Variants in GPM6B observed in about 807,000 individuals in gnomAD.
The protein encoded by GPM6B is neuronal membrane glycoprotein M6-b.
GPM6B carries 4 observed loss-of-function variants against 27.2 expected under a neutral mutation model. The ratio of observed to expected loss-of-function variants is 0.15; its 90% CI spans 0.07 to 0.34. The LOEUF (loss-of-function observed/expected upper bound fraction) is 0.34, where lower values mean the gene tolerates loss of function less well. Among genes scored for constraint, GPM6B ranks in the 10% least tolerant of loss-of-function variants. GPM6B has a pLI of 1.00. For missense variants in GPM6B, 183 were observed against 261.9 expected, an observed-to-expected ratio of 0.70 and a Z score of 2.08; for synonymous variants, 124 against 103.1, an observed-to-expected ratio of 1.20 and a Z score of -1.23.
At chrX:13,789,359 AAAGT>A (rs1355024399) in intron 2 of GPM6B, among the ~76,000 whole-genome samples, 3 of 112,047 alleles carry the variant, frequency 2.7e-5, no homozygotes, top group African/African-American at 9.7e-5. Context: ...ACTGCTGCAA[AAAGT>A]TAGTAAGAAA....
chrX:13,827,686 G>A (rs1021289138), intron 1 of GPM6B, among the ~76,000 whole-genome samples: 14 of 112,352 alleles, frequency 1.2e-4, no homozygotes, highest in African/African-American at 4.2e-4. Context: ...GCTAAAGGAA[G>A]ACAGACATTA....
intron 1 of GPM6B, among the ~76,000 whole-genome samples, chrX:13,812,305 G>A (rs781456704): frequency 8.2e-5 from 9 of 109,684 alleles, no homozygotes; most frequent in Admixed American, 2.9e-4. Context: ...CGCCCGCCTC[G>A]GCCTCCCAAA....
chrX:13,924,563 G>A (rs145490009), intron 1 of GPM6B, among the ~76,000 whole-genome samples: 2,559 of 111,668 alleles, frequency 0.023, 70 homozygotes, highest in East Asian at 0.19. Flanking sequence ...TCGGCCTCTC[G>A]AAGTGCTGGG....
At chrX:13,859,389 G>T (rs1300338494) in intron 1 of GPM6B, among the ~76,000 whole-genome samples, 3 of 111,644 alleles carry the variant, frequency 2.7e-5, no homozygotes, top group African/African-American at 9.8e-5. Flanking sequence ...CCATGTTTTT[G>T]TGTGTATCCA....
At chrX:13,781,356 C>A (rs964288612) in intron 4 of GPM6B, among the ~76,000 whole-genome samples, 1 of 112,290 alleles carries the variant, frequency 8.9e-6, no homozygotes, top group Non-Finnish European at 1.9e-5. Context: ...AAAAGTCAAG[C>A]TGGGAACTGC....
intron 1 of GPM6B, among the ~76,000 whole-genome samples, chrX:13,925,228 T>C (rs1046419108): frequency 8.9e-6 from 1 of 112,389 alleles, no homozygotes; most frequent in Non-Finnish European, 1.9e-5. Context: ...TCACAGTTTC[T>C]ATGCTAATCT....
chrX:13,802,457 C>G (rs1191794516), intron 2 of GPM6B, among the ~76,000 whole-genome samples: 1 of 111,225 alleles, frequency 9.0e-6, no homozygotes, highest in Non-Finnish European at 1.9e-5. Flanking sequence ...TAATCACAGA[C>G]TAACAATATA....
At chrX:13,809,434 T>C (rs1408920408) in intron 1 of GPM6B, among the ~76,000 whole-genome samples, 1 of 111,745 alleles carries the variant, frequency 8.9e-6, no homozygotes, top group Non-Finnish European at 1.9e-5. Context: ...GCTACTGATG[T>C]TATCTCAGGC....
chrX:13,794,145 G>A (rs1365946123), intron 2 of GPM6B, among the ~76,000 whole-genome samples: 1 of 109,302 alleles, frequency 9.1e-6, no homozygotes, highest in African/African-American at 3.3e-5. Flanking sequence ...GGAAAGTTTT[G>A]CAGACCTCTG....
At chrX:13,778,967 A>C (rs138807852) in intron 5 of GPM6B, among the ~76,000 whole-genome samples, 18 of 111,912 alleles carry the variant, frequency 1.6e-4, no homozygotes, top group African/African-American at 5.8e-4. Flanking sequence ...TGAAATAGTC[A>C]TCTCTCTTCA....
chrX:13,919,076 C>T (rs1267816756), intron 1 of GPM6B, among the ~76,000 whole-genome samples: 1 of 111,654 alleles, frequency 9.0e-6, no homozygotes, highest in Non-Finnish European at 1.9e-5. Context: ...GTTCAAATAT[C>T]GTTATACCAG....
chrX:13,867,887 G>A (rs1404867697), intron 1 of GPM6B, among the ~76,000 whole-genome samples: 1 of 111,717 alleles, frequency 9.0e-6, no homozygotes, highest in Admixed American at 9.5e-5. Context: ...ATCAACTTGA[G>A]CCCAAATGAT....
chrX:13,909,469 T>C (rs1364736330), intron 1 of GPM6B, among the ~76,000 whole-genome samples: 1 of 111,261 alleles, frequency 9.0e-6, no homozygotes, highest in African/African-American at 3.3e-5. Context: ...ATTTGAACAA[T>C]GAAGATGCTC....
intron 1 of GPM6B, among the ~76,000 whole-genome samples, chrX:13,854,136 G>A (rs2049753209): frequency 8.9e-6 from 1 of 111,773 alleles, no homozygotes; most frequent in South Asian, 3.7e-4. Context: ...GGGGTGACAA[G>A]TTCTGTTTGG....
chrX:13,796,757 T>C (rs7055085), intron 2 of GPM6B, among the ~76,000 whole-genome samples: 31,477 of 111,554 alleles, frequency 0.28, 3,372 homozygotes, highest in Admixed American at 0.46. Context: ...ACTATGGAAG[T>C]CTTAAAATAG....
intron 1 of GPM6B, among the ~76,000 whole-genome samples, chrX:13,867,405 T>C (rs1407408013): frequency 8.9e-6 from 1 of 112,502 alleles, no homozygotes; most frequent in Non-Finnish European, 1.9e-5. Context: ...CCGCTGTGCC[T>C]GGCAGGCAAG....
chrX:13,783,491 T>A lies in GPM6B; in HGVS notation c.399A>T (p.Gly133=). 8.3e-7 allele frequency: 1 copy of A among 1,203,299 alleles called. No individual in the cohort carries two copies. Among genetic ancestry groups the A allele is most frequent in the Non-Finnish European group, 1.1e-6 (1 of 890,418 alleles). ...CATACAAGAAGAAAAAGGACGCAATTCCATAGATGACATACTGCATCAGTT... is the reference window on the plus strand; with the variant it reads ...CATACAAGAAGAAAAAGGACGCAATACCATAGATGACATACTGCATCAGTT... ...VIQLMQYVIY[G]IASFFFLYGI... Residue 133 remains glycine, a synonymous_variant, in exon 4 of 8, where the codon GGA becomes GGT. Transcript: ENST00000316715.
At chrX:13,821,560 A>T (rs2049307129), upstream of GPM6B, among the ~76,000 whole-genome samples, 1 of 112,464 alleles carries the variant, frequency 8.9e-6, no homozygotes, top group Non-Finnish European at 1.9e-5. Context: ...AAGATTCATT[A>T]AGCACTTATT....
intron 4 of GPM6B, among the ~76,000 whole-genome samples, chrX:13,781,436 A>G (rs1465962696): frequency 8.9e-6 from 1 of 111,812 alleles, no homozygotes; most frequent in African/African-American, 3.3e-5. Context: ...CTCCCTCACA[A>G]TTTGCCCACA....
Sources: gnomAD v4.1 joint callset for allele counts (sites outside exome capture counted in the v4.1 genomes callset) on GRCh38, gnomAD v4.1.1 for gene constraint, MANE v1.5 for transcripts, NCBI Gene and HGNC (gene_info 2026-07-23, HGNC 2026-07-21) for gene names.